The following UTRN variants were observed in gnomAD, a reference collection of about 807,000 sequenced individuals.
UTRN encodes the protein utrophin.
In UTRN, 283 loss-of-function variants were observed where a neutral mutation model predicts 463.9. The ratio of observed to expected loss-of-function variants is 0.61; its 90% CI spans 0.55 to 0.67. UTRN has a LOEUF of 0.67. Ranked by LOEUF, UTRN falls within the 30% of genes least tolerant of loss-of-function variation. UTRN has a pLI of 0.00. For missense variants in UTRN, 3,922 were observed against 4,084.3 expected (o/e 0.96, Z 1.08); for synonymous variants, 1,442 against 1,431.5 (o/e 1.01, Z -0.17).
intron 51 of UTRN, among the ~76,000 whole-genome samples, chr6:144,632,792 G>A (rs1483766529): frequency 6.6e-6 from 1 of 151,582 alleles, no homozygotes; most frequent in Non-Finnish European, 1.5e-5. Flanking sequence ...CAAGATCTTG[G>A]CTCACTGCAA....
chr6:144,692,633 C>G (rs1280507487), intron 52 of UTRN, among the ~76,000 whole-genome samples: 1 of 152,016 alleles, frequency 6.6e-6, no homozygotes, highest in African/African-American at 2.4e-5. Context: ...TTGCATTTCT[C>G]TAATGATCAG....
chr6:144,743,318 A>C (rs1790311192), intron 54 of UTRN, among the ~76,000 whole-genome samples: 1 of 152,252 alleles, frequency 6.6e-6, no homozygotes, highest in South Asian at 2.1e-4. Context: ...AATGTTTATT[A>C]AACAATAACA....
At chr6:144,435,799 C>T in intron 9 of UTRN, 136 bp from the exon 10 acceptor site, 1 of 828,894 alleles carries the variant, frequency 1.2e-6, no homozygotes, top group Non-Finnish European at 1.9e-6. Context: ...ATGGCAGTGC[C>T]CATTTGGCTC....
At chr6:144,404,144 T>C (rs1783172781) in intron 3 of UTRN, among the ~76,000 whole-genome samples, 1 of 152,214 alleles carries the variant, frequency 6.6e-6, no homozygotes, top group African/African-American at 2.4e-5. Flanking sequence ...GTTGGTTATT[T>C]GATTTCACTG....
At chr6:144,586,531 A>G (rs1286292024) in intron 51 of UTRN, among the ~76,000 whole-genome samples, 1 of 152,176 alleles carries the variant, frequency 6.6e-6, no homozygotes, top group African/African-American at 2.4e-5. Context: ...CAGTAGAAAA[A>G]AAGCTGATGT....
chr6:144,476,413 GAAAA>G (rs1207849702), intron 25 of UTRN, among the ~76,000 whole-genome samples: 5 of 152,026 alleles, frequency 3.3e-5, no homozygotes, highest in African/African-American at 1.2e-4. Flanking sequence ...TATTAGGTTT[GAAAA>G]TAAAGAAGAG....
At chr6:144,825,176 G>A (rs1780069609) in intron 66 of UTRN, among the ~76,000 whole-genome samples, 1 of 152,076 alleles carries the variant, frequency 6.6e-6, no homozygotes, top group African/African-American at 2.4e-5. Flanking sequence ...GCTGGCCTGG[G>A]TTACATTTCA....
intron 58 of UTRN, among the ~76,000 whole-genome samples, chr6:144,769,530 G>T (rs1055320356): frequency 1.3e-5 from 2 of 152,318 alleles, no homozygotes; most frequent in African/African-American, 4.8e-5. Flanking sequence ...TTAGCAAGAG[G>T]TGTTCACCTT....
At chr6:144,701,067 C>T (rs779314177) in intron 53 of UTRN, among the ~76,000 whole-genome samples, 13 of 152,008 alleles carry the variant, frequency 8.6e-5, no homozygotes, top group Non-Finnish European at 1.6e-4. Context: ...CCACCATGCC[C>T]GGCTAATTTT....
chr6:144,573,219 T>C (rs1801119320), intron 50 of UTRN, among the ~76,000 whole-genome samples: 2 of 152,116 alleles, frequency 1.3e-5, no homozygotes, highest in Admixed American at 1.3e-4. Flanking sequence ...GGTAGTTTGA[T>C]TTTTTCTTGT....
At chr6:144,721,268 G>A (rs1387920589) in intron 53 of UTRN, among the ~76,000 whole-genome samples, 1 of 152,158 alleles carries the variant, frequency 6.6e-6, no homozygotes, top group Non-Finnish European at 1.5e-5. Flanking sequence ...CTGGAATGCA[G>A]TGGCACCATC....
chr6:144,377,700 G>T (rs1331733584), intron 2 of UTRN, among the ~76,000 whole-genome samples: 1 of 152,160 alleles, frequency 6.6e-6, no homozygotes, highest in Non-Finnish European at 1.5e-5. Flanking sequence ...CACAGAGTCG[G>T]CTGGCTCCCA....
chr6:144,519,014 G>A (rs1795864632), intron 39 of UTRN, among the ~76,000 whole-genome samples: 1 of 152,124 alleles, frequency 6.6e-6, no homozygotes, highest in Non-Finnish European at 1.5e-5. Context: ...CAAAACATTT[G>A]TAGATGATTT....
At chr6:144,697,200 C>G (rs917568068) in intron 52 of UTRN, among the ~76,000 whole-genome samples, 1 of 152,022 alleles carries the variant, frequency 6.6e-6, no homozygotes, top group Admixed American at 6.6e-5. Context: ...TTGTACATAT[C>G]AAAGTACTAA....
intron 59 of UTRN, among the ~76,000 whole-genome samples, chr6:144,773,447 T>A (rs1056232500): frequency 9.2e-5 from 14 of 152,302 alleles, no homozygotes; most frequent in African/African-American, 3.4e-4. Context: ...CTCTTTTTCC[T>A]ACCAAAGGGC....
chr6:144,682,063 A>G (rs527418003), intron 52 of UTRN, among the ~76,000 whole-genome samples: 17 of 152,134 alleles, frequency 1.1e-4, no homozygotes, highest in South Asian at 2.1e-4. Flanking sequence ...TTGTTTTGCT[A>G]TCAAATACTG....
intron 2 of UTRN, among the ~76,000 whole-genome samples, chr6:144,313,321 T>G (rs1775060663): frequency 6.8e-6 from 1 of 147,410 alleles, no homozygotes; most frequent in African/African-American, 2.5e-5. Flanking sequence ...GCTAGAACTG[T>G]GGGGATGGAG....
At position 144,473,833 on chromosome 6, in the gene UTRN, T is replaced by C; in HGVS notation, c.3180T>C (p.Ser1060=). ...TACAGAGGCAGTTAGACCAGTGCTC[T>C]GTGAGTTCTGCTGATCTGGGGAACT... ...AGLQRQLDQC[S]AFVNEIETIE... The change falls in exon 24 of 75, where the codon TCT becomes TCC. Residue 1060 remains serine (S), a splice_region_variant and synonymous_variant. Coordinates refer to ENST00000367545, the MANE Select transcript of UTRN (RefSeq NM_007124.3). 1 of 1,607,074 alleles carries C rather than the reference T, an allele frequency of 6.2e-7. No homozygotes were observed. Among genetic ancestry groups the C allele is most frequent in the Non-Finnish European group, 8.5e-7 (1 of 1,174,472 alleles).
chr6:144,674,131 T>C (rs1562744830), intron 51 of UTRN, among the ~76,000 whole-genome samples: 2 of 152,144 alleles, frequency 1.3e-5, no homozygotes, highest in Non-Finnish European at 2.9e-5. Flanking sequence ...TAGGTGATGA[T>C]CTTTTTGTGA....
Sources: allele counts gnomAD v4.1 joint callset (sites outside exome capture counted in the v4.1 genomes callset), GRCh38; gene constraint gnomAD v4.1.1; transcripts MANE v1.5; gene names NCBI Gene and HGNC (gene_info 2026-07-23, HGNC 2026-07-21).